Variants in INTS10 observed in about 807,000 individuals in gnomAD.
INTS10 encodes the protein chromosome 8 open reading frame 35.
Under a neutral mutation model 94.4 loss-of-function variants are expected in INTS10, and 44 were observed. That is an observed-to-expected ratio of 0.47 (90% confidence interval 0.37 to 0.60). The LOEUF is 0.60. Among genes scored for constraint, INTS10 ranks in the 20% least tolerant of loss-of-function variants. The probability of loss-of-function intolerance (pLI) is 0.00; values close to 1 mark genes in which losing one functional copy is unlikely to be tolerated. For synonymous variants in INTS10, 341 were observed against 320.7 expected, an observed-to-expected ratio of 1.06 and a Z score of -0.68; for missense variants, 797 against 868.7, an observed-to-expected ratio of 0.92 and a Z score of 1.04.
chr8:19,823,329 C>T lies in INTS10; in HGVS notation c.552C>T (p.Asn184=), dbSNP rs375491463. 5 of 1,607,766 alleles carry T rather than the reference C, an allele frequency of 3.1e-6. No homozygotes were observed. Among genetic ancestry groups the T allele is most frequent in the Non-Finnish European group, 4.3e-6 (5 of 1,174,564 alleles). The change falls in exon 6 of 17, where the codon AAC becomes AAT. Residue 184 remains asparagine, a synonymous_variant. Coordinates refer to ENST00000397977, the MANE Select transcript of INTS10 (RefSeq NM_018142.4). ...FVCDVLPLII[N]NHDVRLPANL... is the part of the protein sequence containing the mutation. Reference sequence around the variant, plus strand: ...GTGATGTCCTTCCTCTAATAATTAACAACCATGATGTTCGATTACCTGCCA... The same window carrying T: ...GTGATGTCCTTCCTCTAATAATTAATAACCATGATGTTCGATTACCTGCCA...
chr8:19,842,691 CAA>C (rs2068224102), intron 13 of INTS10, among the ~76,000 whole-genome samples, 155 bp from the exon 14 acceptor site: 2 of 152,152 alleles, frequency 1.3e-5, no homozygotes, highest in Admixed American at 1.3e-4. Context: ...TTCACCATCA[CAA>C]AGTATAATTG....
Position 19,851,916 on chromosome 8 carries a change from G to A in INTS10, c.*111G>A. On this transcript the variant is annotated 3_prime_UTR_variant, in exon 17 of 17. Coordinates refer to ENST00000397977, the MANE Select transcript of INTS10 (RefSeq NM_018142.4). This position sits in a 1 kb window ranked among gnomAD's most constrained non-coding sequence, Gnocchi z 5.0. ...TGGTCATTGTTGCTGTTACAAAGAA[G>A]AAAACCATCTGAGTTCTAACTCCTT... is the stretch of plus-strand genomic sequence containing the variant. 1.1e-6 allele frequency: 1 copy of A among 915,296 alleles called. No individual in the cohort carries two copies. The highest frequency in any genetic ancestry group is 1.6e-6 in the Non-Finnish European group (1 of 607,130). The allele number at this position is 915,296 out of a possible 1,614,324, so 56.7% of individuals were successfully genotyped here.
At chr8:19,827,987 G>A (rs1277111903) in intron 9 of INTS10, among the ~76,000 whole-genome samples, 1 of 152,098 alleles carries the variant, frequency 6.6e-6, no homozygotes, top group East Asian at 1.9e-4. Context: ...AAAAGAGGAG[G>A]ATCACCAGCC....
Position 19,842,880 on chromosome 8 carries a change from A to C in INTS10, c.1672A>C (p.Lys558Gln), listed in dbSNP as rs1189991680. 6.2e-7 allele frequency: 1 copy of C among 1,613,490 alleles called. No individual in the cohort carries two copies. Among genetic ancestry groups the C allele is most frequent in the South Asian group, 1.1e-5 (1 of 91,060 alleles). ...SDLKLLPCTS[K>Q]AIMPYCLHLM... ...TCTGAAGCTCCTGCCTTGTACCAGC[A>C]AGGCTATCATGCCATACTGCCTCCA... The change falls in exon 14 of 17, where the codon AAG (lysine) becomes CAG (glutamine). Residue 558 changes from lysine (K) to glutamine (Q), a missense_variant. Coordinates refer to ENST00000397977, the MANE Select transcript of INTS10 (RefSeq NM_018142.4).
At chr8:19,823,582 A>T in intron 6 of INTS10, 141 bp downstream of exon 6, 1 of 679,300 alleles carries the variant, frequency 1.5e-6, no homozygotes. Flanking sequence ...CTAGAAAAAA[A>T]ATACTAAAAG....
rs570993092 is a variant in INTS10 at position 19,826,165 on chromosome 8, C to T, written c.1007-261C>T. ...CGTGATCTCGGCTCACTGCAACCTCCGCCTCCTGGGTTCAAGCAATTCTCC... is the reference window on the plus strand; with the variant it reads ...CGTGATCTCGGCTCACTGCAACCTCTGCCTCCTGGGTTCAAGCAATTCTCC... On this transcript the variant is annotated intron_variant, in intron 8 of 16. Coordinates refer to ENST00000397977, the MANE Select transcript of INTS10 (RefSeq NM_018142.4). 3.9e-5 allele frequency among the ~76,000 whole-genome samples: 6 copies of T among 152,192 alleles called. No homozygotes were observed. In the South Asian group the frequency reaches 1.0e-3, roughly 26 times the overall value.
At chr8:19,829,949 T>C (rs2067103347) in intron 9 of INTS10, among the ~76,000 whole-genome samples, 1 of 152,190 alleles carries the variant, frequency 6.6e-6, no homozygotes, top group Non-Finnish European at 1.5e-5. Flanking sequence ...AATATAGGCA[T>C]AAGCTGCCAC....
In INTS10 at chr8:19,846,847, C is replaced by T. The variant is rs976277363; in HGVS notation, c.1976+1050C>T. Among the ~76,000 whole-genome samples the T allele has an allele frequency of 3.3e-5, 5 of 152,194 alleles. No homozygotes were observed. Among genetic ancestry groups the T allele is most frequent in the African/African-American group, 1.2e-4 (5 of 41,434 alleles). ...ACGTGTAGTTTTATTTTCATACTTC[C>T]TCCTTTGCTTCCTGCACATTCAGTG... is the stretch of plus-strand genomic sequence containing the variant. On this transcript the variant is annotated intron_variant, in intron 16 of 16. Coordinates refer to ENST00000397977, the MANE Select transcript of INTS10 (RefSeq NM_018142.4). The surrounding 1 kb of genome is among the most constrained non-coding windows in gnomAD (Gnocchi z 4.2).
chr8:19,831,905 A>G (rs904899166), intron 10 of INTS10, 123 bp from the exon 11 acceptor site: 1 of 666,120 alleles, frequency 1.5e-6, no homozygotes, highest in Non-Finnish European at 2.8e-6. Context: ...GTTAGAAATC[A>G]AAGTCAAAGT....
intron 9 of INTS10, among the ~76,000 whole-genome samples, chr8:19,829,560 A>G (rs940020173): frequency 6.6e-6 from 1 of 152,220 alleles, no homozygotes; most frequent in Non-Finnish European, 1.5e-5. Flanking sequence ...AGGACCTTGC[A>G]CTGGGGGAGG....
chr8:19,826,355 T>C lies in INTS10; in HGVS notation c.1007-71T>C. ...CCTCAGCCTCCCAAAGGGCTGGGAT[T>C]GCAGGCATGAGCCACCGCGCCTGGC... On this transcript the variant is annotated intron_variant, in intron 8 of 16. Transcript: ENST00000397977. The C allele has an allele frequency of 2.0e-6, 3 of 1,481,990 alleles. No homozygotes were observed. The South Asian group carries it at 4.1e-5, about 20-fold the overall frequency. The allele number at this position is 1,481,990 out of a possible 1,614,324, so 91.8% of individuals were successfully genotyped here.
chr8:19,831,190 T>C (rs2067202883), intron 10 of INTS10, among the ~76,000 whole-genome samples: 1 of 152,222 alleles, frequency 6.6e-6, no homozygotes, highest in South Asian at 2.1e-4. Context: ...CAGTCATGTG[T>C]CATACAGAGC....
intron 13 of INTS10, among the ~76,000 whole-genome samples, chr8:19,841,391 A>C (rs1048469120): frequency 2.0e-5 from 3 of 152,214 alleles, no homozygotes; most frequent in Non-Finnish European, 4.4e-5. Flanking sequence ...ATAGGCTGCC[A>C]GAAAATTGTC....
rs1222168822 is a variant in INTS10, at chr8:19,849,455, AT to A, written c.1977-2192del. On this transcript the variant is annotated intron_variant, in intron 16 of 16. Coordinates refer to ENST00000397977, the MANE Select transcript of INTS10 (RefSeq NM_018142.4). This position sits in a 1 kb window ranked among gnomAD's most constrained non-coding sequence, Gnocchi z 4.6. ...TGTGTTTGTGTTCGATTTAAAAATCATTATGGATCTGGAAAAAACAATGAAA... is the reference window on the plus strand; with the variant it reads ...TGTGTTTGTGTTCGATTTAAAAATCATATGGATCTGGAAAAAACAATGAAA... 6.6e-6 allele frequency among the ~76,000 whole-genome samples: 1 copy of A among 152,196 alleles called. No homozygotes were observed. Among genetic ancestry groups the A allele is most frequent in the East Asian group, 1.9e-4 (1 of 5,198 alleles).
rs557404793 is a variant in INTS10 at position 19,849,143 on chromosome 8, T to C, written c.1977-2506T>C. 1.4e-5 allele frequency: 18 copies of C among 1,260,472 alleles called. No individual in the cohort carries two copies. Among genetic ancestry groups the C allele is most frequent in the Non-Finnish European group, 1.7e-5 (16 of 962,166 alleles). 78.1% of individuals were successfully genotyped at this position (1,260,472 alleles called of 1,614,324 possible). On this transcript the variant is annotated intron_variant, in intron 16 of 16. Coordinates refer to ENST00000397977, the MANE Select transcript of INTS10 (RefSeq NM_018142.4). This position sits in a 1 kb window ranked among gnomAD's most constrained non-coding sequence, Gnocchi z 4.6. ...GTCGGTGTGGGTGTTTGAATGCTGCTGTTTGCTGTTTTTTAAAGGCCTTCT... is the reference window on the plus strand; with the variant it reads ...GTCGGTGTGGGTGTTTGAATGCTGCCGTTTGCTGTTTTTTAAAGGCCTTCT...
chr8:19,828,573 A>G (rs2066982695), intron 9 of INTS10, among the ~76,000 whole-genome samples: 1 of 152,188 alleles, frequency 6.6e-6, no homozygotes, highest in Admixed American at 6.5e-5. Flanking sequence ...TCCTTTCATA[A>G]ATTCCTGATC....
At chr8:19,841,765 C>G (rs550503001) in intron 13 of INTS10, 1 of 448,480 alleles carries the variant, frequency 2.2e-6, no homozygotes, top group African/African-American at 2.0e-5. Context: ...ATTAAATGTA[C>G]CTCGCGTCCT....
chr8:19,851,849 T>G lies in INTS10; in HGVS notation c.*44T>G, dbSNP rs763718859. 5 of 1,573,410 alleles carry G rather than the reference T, an allele frequency of 3.2e-6. No homozygotes were observed. In the African/African-American group the frequency reaches 6.7e-5, roughly 21 times the overall value. On this transcript the variant is annotated 3_prime_UTR_variant, in exon 17 of 17. Transcript: ENST00000397977. The surrounding 1 kb of genome is among the most constrained non-coding windows in gnomAD (Gnocchi z 5.0). ...GACACAGCTCGGGCCTGTGTAATTG[T>G]AGGAGAAGACACTCAGCAGTGATTG...
chr8:19,837,217 G>C, intron 13 of INTS10, 57 bp downstream of exon 13: 1 of 1,092,210 alleles, frequency 9.2e-7, no homozygotes, highest in African/African-American at 1.5e-5. Context: ...AGCCAGGCAC[G>C]GTGGCTCACA....
Sources: allele counts gnomAD v4.1 joint callset (sites outside exome capture counted in the v4.1 genomes callset), GRCh38; gene constraint gnomAD v4.1.1; non-coding constraint Gnocchi (gnomAD v3.1); transcripts MANE v1.5; gene names NCBI Gene and HGNC (gene_info 2026-07-23, HGNC 2026-07-21).